The following EIF4E3 variants were observed in gnomAD, a reference collection of about 807,000 sequenced individuals.
The protein encoded by EIF4E3 is eukaryotic translation initiation factor 4E type 3.
In EIF4E3, 26 loss-of-function variants were observed where a neutral mutation model predicts 31.7. The ratio of observed to expected loss-of-function variants is 0.82; its 90% CI spans 0.60 to 1.14. The LOEUF is 1.14. Among genes scored for constraint, EIF4E3 ranks in the 50% most tolerant of loss-of-function variants. The pLI is 0.00. For synonymous variants in EIF4E3, 128 were observed against 107.7 expected (o/e 1.19, Z -1.17); for missense variants, 304 against 270.9 (o/e 1.12, Z -0.86).
At position 71,714,761 on chromosome 3, in the gene EIF4E3, C is replaced by T. The variant is rs141056472; in HGVS notation, c.177-4277G>A. On this transcript the variant is annotated intron_variant, in intron 1 of 6. Transcript: ENST00000425534. Reference sequence around the variant, plus strand: ...GACTTGCTGATTCAAAATTGAACTGCAGCTGTATCATCTACGGTTACTGTT... The same window carrying T: ...GACTTGCTGATTCAAAATTGAACTGTAGCTGTATCATCTACGGTTACTGTT... 2.6e-5 allele frequency among the ~76,000 whole-genome samples: 4 copies of T among 152,316 alleles called. No individual in the cohort carries two copies. The East Asian group carries it at 7.7e-4, about 29-fold the overall frequency.
chr3:71,667,237 T>C, the EIF4E3 span, among the ~76,000 whole-genome samples: 1 of 152,196 alleles, frequency 6.6e-6, no homozygotes, highest in African/African-American at 2.4e-5. Context: ...AACTAGGTAT[T>C]GATGGAATAT....
rs189593151 is a variant in EIF4E3, at chr3:71,678,317, C to A, written c.*6365G>T. On this transcript the variant is annotated 3_prime_UTR_variant, in exon 7 of 7. Coordinates refer to ENST00000425534, the MANE Select transcript of EIF4E3 (RefSeq NM_001134651.2). ...CAAAAGATCTCAAAATAAAGTTCTA[C>A]AAACTAACACTTAAACAAACCCTGT... 54 of 152,244 alleles carry A rather than the reference C, an allele frequency of 3.5e-4. No homozygotes were observed. Among genetic ancestry groups the A allele is most frequent in the Admixed American group, 3.1e-3 (47 of 15,292 alleles). 9.4% of individuals were successfully genotyped at this position (152,244 alleles called of 1,614,324 possible).
intron 1 of EIF4E3, among the ~76,000 whole-genome samples, chr3:71,713,226 C>T (rs2049410020): frequency 6.6e-6 from 1 of 152,174 alleles, no homozygotes; most frequent in South Asian, 2.1e-4. Context: ...GGTGAGCAGG[C>T]TGGTACTTAG....
At chr3:71,699,737 A>T (rs768568410) in intron 2 of EIF4E3, 29 bp from the exon 3 acceptor site, 1 of 1,543,772 alleles carries the variant, frequency 6.5e-7, no homozygotes. Flanking sequence ...CACTTTGTTT[A>T]ATATACCCAG....
At chr3:71,727,735 T>C (rs190309598), upstream of EIF4E3, among the ~76,000 whole-genome samples, 80 of 152,340 alleles carry the variant, frequency 5.3e-4, no homozygotes, top group African/African-American at 1.6e-3. Flanking sequence ...GTGACACATA[T>C]CTGTATAAAA....
At chr3:71,746,083 A>AT (rs1394296124) in intron 1 of EIF4E3, among the ~76,000 whole-genome samples, 7 of 152,102 alleles carry the variant, frequency 4.6e-5, no homozygotes, top group African/African-American at 2.4e-5. Flanking sequence ...ATCCCAATAG[A>AT]TTTTCTTTCA....
At chr3:71,730,037 T>A (rs987980468), upstream of EIF4E3, among the ~76,000 whole-genome samples, 2 of 152,184 alleles carry the variant, frequency 1.3e-5, no homozygotes, top group Non-Finnish European at 2.9e-5. Context: ...TAGATGGCAG[T>A]CTTCAGTGCC....
chr3:71,660,143 G>C, the EIF4E3 span, among the ~76,000 whole-genome samples: 2 of 152,148 alleles, frequency 1.3e-5, no homozygotes, highest in African/African-American at 2.4e-5. Context: ...CAGTGGGTAG[G>C]ACTTGGTGGG....
In EIF4E3 at chr3:71,725,280, G is replaced by T; in HGVS notation, c.88C>A (p.Pro30Thr). 1 of 1,017,356 alleles carries T rather than the reference G, an allele frequency of 9.8e-7. No homozygotes were observed. The highest frequency in any genetic ancestry group is 1.2e-6 in the Non-Finnish European group (1 of 852,672). 63.0% of individuals were successfully genotyped at this position (1,017,356 alleles called of 1,614,324 possible). The change falls in exon 1 of 7, where the codon CCG (proline) becomes ACG (threonine). Residue 30 changes from proline (P) to threonine (T), a missense_variant. Pro to Thr is a conservative substitution (Grantham distance 38, BLOSUM62 -1). Transcript: ENST00000425534. This position sits in a 1 kb window ranked among gnomAD's most constrained non-coding sequence, Gnocchi z 6.1. The part of the protein sequence containing the change: ...RAAAAAAAPE[P>T]PLGLQQLSAL... ...GACAGCTGCTGCAGGCCGAGCGGCG[G>T]CTCGGGGGCGGCGGCAGCGGCGGCG... is the stretch of plus-strand genomic sequence containing the variant.
chr3:71,745,127 CT>C (rs1407255465), intron 1 of EIF4E3, among the ~76,000 whole-genome samples: 1 of 152,328 alleles, frequency 6.6e-6, no homozygotes, highest in Non-Finnish European at 1.5e-5. Context: ...AAAAATCTGT[CT>C]GCCTTATCTC....
At chr3:71,725,410 G>A (rs1034607995), upstream of EIF4E3, 62 of 976,254 alleles carry the variant, frequency 6.4e-5, 1 homozygote, top group Non-Finnish European at 2.7e-5. The surrounding 1 kb of genome is among the most constrained non-coding windows in gnomAD (Gnocchi z 6.1). Flanking sequence ...CGCGGACCGC[G>A]GGGCGAGCGC....
chr3:71,753,309 TA>T (rs2049953794), intron 1 of EIF4E3, among the ~76,000 whole-genome samples: 1 of 152,174 alleles, frequency 6.6e-6, no homozygotes, highest in Non-Finnish European at 1.5e-5. Flanking sequence ...CGATGACTAT[TA>T]CTATCGTAAA....
chr3:71,727,922 C>T (rs1051412313), upstream of EIF4E3, among the ~76,000 whole-genome samples: 1 of 152,146 alleles, frequency 6.6e-6, no homozygotes, highest in Non-Finnish European at 1.5e-5. Context: ...AAAATTCCCT[C>T]CAGAATTTAG....
chr3:71,739,759 C>T (rs1431499736), intron 1 of EIF4E3, among the ~76,000 whole-genome samples: 2 of 151,648 alleles, frequency 1.3e-5, no homozygotes, highest in Admixed American at 6.6e-5. Context: ...CAGAAGGGAA[C>T]GTAGATGTAC....
Position 71,721,584 on chromosome 3 carries a change from C to T in EIF4E3, c.176+3608G>A, listed in dbSNP as rs562006690. Among the ~76,000 whole-genome samples the T allele has an allele frequency of 7.2e-5, 11 of 152,158 alleles. No individual in the cohort carries two copies. In the East Asian group the frequency reaches 1.2e-3, roughly 16 times the overall value. ...GGGGTGGCTTCCCCCATGCTGTTTTCGTAATAGTGAGTGAGTCTCATGAGA... is the reference window on the plus strand; with the variant it reads ...GGGGTGGCTTCCCCCATGCTGTTTTTGTAATAGTGAGTGAGTCTCATGAGA... On this transcript the variant is annotated intron_variant, in intron 1 of 6. Transcript: ENST00000425534.
At chr3:71,752,164 G>A (rs1039579794) in intron 1 of EIF4E3, among the ~76,000 whole-genome samples, 1 of 152,184 alleles carries the variant, frequency 6.6e-6, no homozygotes, top group Non-Finnish European at 1.5e-5. Flanking sequence ...AAGGTCAGCA[G>A]ACCAACAGCA....
chr3:71,754,124 C>T (rs1270385259), upstream of EIF4E3: 2 of 1,433,544 alleles, frequency 1.4e-6, no homozygotes, highest in South Asian at 1.2e-5. The surrounding 1 kb of genome is among the most constrained non-coding windows in gnomAD (Gnocchi z 5.8). Flanking sequence ...TGGCCACGCT[C>T]AGCCTGCTGC....
intron 4 of EIF4E3, among the ~76,000 whole-genome samples, chr3:71,695,439 A>G (rs2049123237): frequency 6.6e-6 from 1 of 152,212 alleles, no homozygotes; most frequent in South Asian, 2.1e-4. Context: ...CTTCTACTAG[A>G]GTTCAAAGTC....
chr3:71,714,135 C>G (rs1430172874), intron 1 of EIF4E3, among the ~76,000 whole-genome samples: 31 of 151,890 alleles, frequency 2.0e-4, no homozygotes, highest in Admixed American at 2.0e-3. Context: ...TCGTTTGAAC[C>G]TGGGAGGCGG....
Sources: gnomAD v4.1 joint callset for allele counts (sites outside exome capture counted in the v4.1 genomes callset) on GRCh38, gnomAD v4.1.1 for gene constraint, Gnocchi (gnomAD v3.1) non-coding constraint, MANE v1.5 for transcripts, NCBI Gene and HGNC (gene_info 2026-07-23, HGNC 2026-07-21) for gene names.